The following TMEM232 variants were observed in gnomAD, a reference collection of about 807,000 sequenced individuals.
TMEM232 encodes transmembrane protein 232.
In TMEM232, 80 loss-of-function variants were observed where a neutral mutation model predicts 78.8. That is an observed-to-expected ratio of 1.01 (90% confidence interval 0.85 to 1.22). The LOEUF is 1.22. Among genes scored for constraint, TMEM232 ranks in the 50% most tolerant of loss-of-function variants. TMEM232 has a pLI of 0.00. For synonymous variants in TMEM232, 297 were observed against 254.3 expected (o/e 1.17, Z -1.60); for missense variants, 881 against 742.2 (o/e 1.19, Z -2.17).
intron 11 of TMEM232, among the ~76,000 whole-genome samples, chr5:110,529,935 T>G (rs1771181595): frequency 6.6e-6 from 1 of 152,242 alleles, no homozygotes; most frequent in Non-Finnish European, 1.5e-5. Context: ...AGTCGGATAC[T>G]GCCTTTTATC....
intron 12 of TMEM232, chr5:110,430,127 A>C (rs1038701863): frequency 1.4e-4 from 20 of 143,010 alleles, no homozygotes; most frequent in Admixed American, 1.1e-3. Flanking sequence ...ATGATATCAG[A>C]AAAAAAAAAC....
At chr5:110,608,856 TA>T (rs1489223446) in intron 8 of TMEM232, among the ~76,000 whole-genome samples, 21 of 152,086 alleles carry the variant, frequency 1.4e-4, no homozygotes, top group Non-Finnish European at 3.1e-4. Flanking sequence ...GTGAACTCAT[TA>T]TAATTCAGAA....
At chr5:110,651,267 TAAC>T (rs1307728266) in intron 2 of TMEM232, among the ~76,000 whole-genome samples, 5 of 152,240 alleles carry the variant, frequency 3.3e-5, no homozygotes, top group Admixed American at 3.3e-4. Context: ...TGTGAAAATT[TAAC>T]TAGAGTGATG....
At chr5:110,456,443 G>A (rs1027427103) in intron 12 of TMEM232, among the ~76,000 whole-genome samples, 1 of 152,066 alleles carries the variant, frequency 6.6e-6, no homozygotes, top group African/African-American at 2.4e-5. Flanking sequence ...AATTGAAGGA[G>A]TAAATATTGT....
chr5:110,610,230 AAAAG>A (rs1248708339), intron 8 of TMEM232, among the ~76,000 whole-genome samples: 2 of 6,056 alleles, frequency 3.3e-4, no homozygotes, highest in African/African-American at 6.6e-4. Context: ...GAGGGAGGGA[AAAAG>A]AAAGGAAGGA....
intron 12 of TMEM232, among the ~76,000 whole-genome samples, chr5:110,500,221 G>T (rs764681776): frequency 6.7e-6 from 1 of 149,868 alleles, no homozygotes; most frequent in Non-Finnish European, 1.5e-5. Context: ...GAACACAGGT[G>T]GAGGTTGCAG....
chr5:110,423,131 T>C (rs1756853138), intron 13 of TMEM232, among the ~76,000 whole-genome samples: 2 of 152,212 alleles, frequency 1.3e-5, no homozygotes, highest in South Asian at 4.1e-4. Context: ...GATGTGTTTT[T>C]GTTATTTGTC....
At chr5:110,607,427 C>T (rs928957484) in intron 8 of TMEM232, among the ~76,000 whole-genome samples, 2 of 151,796 alleles carry the variant, frequency 1.3e-5, no homozygotes, top group African/African-American at 4.8e-5. Context: ...CTGCCTATTG[C>T]CTACCTAATA....
At position 110,662,097 on chromosome 5, in the gene TMEM232, CAA is replaced by C. The variant is rs371980869; in HGVS notation, c.125+5129_125+5130del. Among the ~76,000 whole-genome samples, 42 of 152,026 alleles carry C rather than the reference CAA, an allele frequency of 2.8e-4. No individual in the cohort carries two copies. In the East Asian group the frequency reaches 7.1e-3, roughly 26 times the overall value. ...TATTCCTTTTAAGTCAATATTGAGA[CAA>C]AGATATTCAGAATTAATAAGAAAAT... On this transcript the variant is annotated intron_variant, in intron 2 of 13. Transcript: ENST00000455884.
chr5:110,682,565 T>C (rs1487238515), intron 1 of TMEM232, among the ~76,000 whole-genome samples: 2 of 152,198 alleles, frequency 1.3e-5, no homozygotes, highest in Non-Finnish European at 2.9e-5. Context: ...TTCAAAAATT[T>C]ACCTTGCATA....
chr5:110,700,589 A>G (rs913638015), intron 1 of TMEM232, among the ~76,000 whole-genome samples: 2 of 152,024 alleles, frequency 1.3e-5, no homozygotes, highest in Admixed American at 6.6e-5. Flanking sequence ...AGGAACCAGG[A>G]CATCTGAAGA....
At chr5:110,399,315 T>C (rs935828868) in intron 2 of TMEM232, among the ~76,000 whole-genome samples, 1 of 152,144 alleles carries the variant, frequency 6.6e-6, no homozygotes, top group Non-Finnish European at 1.5e-5. Context: ...AGTGGTGGCA[T>C]GCAAATGTGC....
intron 12 of TMEM232, among the ~76,000 whole-genome samples, chr5:110,458,314 C>T (rs2149349442): frequency 6.6e-6 from 1 of 151,672 alleles, no homozygotes; most frequent in African/African-American, 2.4e-5. Context: ...TGCTCTAGTA[C>T]AAAACAAGAT....
chr5:110,628,528 A>G (rs957430498), intron 5 of TMEM232, among the ~76,000 whole-genome samples: 2 of 152,116 alleles, frequency 1.3e-5, no homozygotes, highest in East Asian at 3.8e-4. Flanking sequence ...ACTACATAAA[A>G]TGGAATGTCT....
chr5:110,621,191 T>G (rs1229977649), intron 7 of TMEM232, among the ~76,000 whole-genome samples: 1 of 150,762 alleles, frequency 6.6e-6, no homozygotes, highest in Admixed American at 6.6e-5. Flanking sequence ...AAGAAACATT[T>G]TTTCAAAAAA....
intron 12 of TMEM232, among the ~76,000 whole-genome samples, chr5:110,454,976 T>G (rs6866854): frequency 0.099 from 14,981 of 151,252 alleles, 948 homozygotes; most frequent in South Asian, 0.21. Flanking sequence ...CAATACAAAT[T>G]ATCAATATTA....
chr5:110,421,541 A>C (rs532458367), intron 13 of TMEM232, among the ~76,000 whole-genome samples: 207 of 152,152 alleles, frequency 1.4e-3, no homozygotes, highest in African/African-American at 4.8e-3. Context: ...AATGACTCCT[A>C]GTATGCAATA....
At chr5:110,398,245 C>T (rs945076024) in intron 2 of TMEM232, among the ~76,000 whole-genome samples, 2 of 152,078 alleles carry the variant, frequency 1.3e-5, no homozygotes, top group African/African-American at 4.8e-5. Context: ...CAATCTTATA[C>T]TGATGGGAAA....
At chr5:110,478,785 C>T (rs192628932) in intron 12 of TMEM232, among the ~76,000 whole-genome samples, 1 of 151,740 alleles carries the variant, frequency 6.6e-6, no homozygotes, top group East Asian at 1.9e-4. Context: ...TTGTGTTAGA[C>T]CACTGCTGTA....
Sources: gnomAD v4.1 joint callset for allele counts (sites outside exome capture counted in the v4.1 genomes callset) on GRCh38, gnomAD v4.1.1 for gene constraint, MANE v1.5 for transcripts, NCBI Gene and HGNC (gene_info 2026-07-23, HGNC 2026-07-21) for gene names.